The following LPAR1 variants were observed in gnomAD, a reference collection of about 807,000 sequenced individuals.
LPAR1 encodes lysophosphatidic acid receptor 1.
Under a neutral mutation model 23.8 loss-of-function variants are expected in LPAR1, and 5 were observed. The ratio of observed to expected loss-of-function variants is 0.21; its 90% CI spans 0.11 to 0.44. The LOEUF is 0.44. LPAR1 is among the 20% of genes least tolerant of loss of function. The pLI is 0.99. For synonymous variants in LPAR1, 160 were observed against 164.7 expected (o/e 0.97, Z 0.22); for missense variants, 311 against 482.8 (o/e 0.64, Z 3.33).
chr9:110,924,499 C>A (rs1042557977), intron 5 of LPAR1, among the ~76,000 whole-genome samples: 4 of 151,586 alleles, frequency 2.6e-5, no homozygotes, highest in African/African-American at 9.7e-5. Flanking sequence ...AAATGATTTT[C>A]TTTTTTTTCC....
chr9:111,003,033 C>A (rs1456036716), intron 2 of LPAR1, among the ~76,000 whole-genome samples: 1 of 152,070 alleles, frequency 6.6e-6, no homozygotes, highest in East Asian at 1.9e-4. Context: ...AATTTGTATA[C>A]CCAGATGAGA....
intron 5 of LPAR1, among the ~76,000 whole-genome samples, chr9:110,892,041 A>G (rs2084346243): frequency 6.6e-6 from 1 of 152,246 alleles, no homozygotes; most frequent in African/African-American, 2.4e-5. Context: ...CTCAATATTT[A>G]TCCAAGAGAA....
At chr9:110,974,808 C>T (rs367969535) in intron 2 of LPAR1, among the ~76,000 whole-genome samples, 1 of 152,140 alleles carries the variant, frequency 6.6e-6, no homozygotes, top group Non-Finnish European at 1.5e-5. Flanking sequence ...CAGGACCTTT[C>T]TTTTTTCAAG....
In LPAR1 at chr9:111,004,290, C is replaced by T. The variant is rs566672620; in HGVS notation, c.-181-30732G>A. On this transcript the variant is annotated intron_variant, in intron 2 of 5. Transcript: ENST00000683809. ...TCTTCTGTGGCTTCAGTTTTGTTCT[C>T]TCCTCATTTCCCAGTCCTCAGAATA... Among the ~76,000 whole-genome samples the T allele has an allele frequency of 2.4e-4, 37 of 152,226 alleles. No homozygotes were observed. In the South Asian group the frequency reaches 7.7e-3, roughly 32 times the overall value.
At chr9:110,959,617 C>G (rs912519977) in intron 4 of LPAR1, among the ~76,000 whole-genome samples, 46 of 150,148 alleles carry the variant, frequency 3.1e-4, no homozygotes, top group African/African-American at 1.1e-3. Context: ...GAACCTGTCT[C>G]AAAAAACAAA....
At chr9:110,977,677 C>A (rs149460021) in intron 2 of LPAR1, among the ~76,000 whole-genome samples, 1 of 151,966 alleles carries the variant, frequency 6.6e-6, no homozygotes, top group South Asian at 2.1e-4. Context: ...ACCTAGATGA[C>A]GAGTTGATAG....
At chr9:110,976,657 A>G (rs2096561536) in intron 2 of LPAR1, among the ~76,000 whole-genome samples, 1 of 152,164 alleles carries the variant, frequency 6.6e-6, no homozygotes, top group East Asian at 1.9e-4. Flanking sequence ...CCCAGCTGAC[A>G]TCAGGCTCTC....
intron 5 of LPAR1, among the ~76,000 whole-genome samples, chr9:110,915,394 AG>A (rs1399736913): frequency 2.2e-5 from 2 of 90,956 alleles, no homozygotes; most frequent in Non-Finnish European, 7.0e-5. Flanking sequence ...AAACTTAGCC[AG>A]GGGTGGTGGC....
chr9:110,878,840 T>A (rs192215397), intron 5 of LPAR1, among the ~76,000 whole-genome samples: 15 of 152,266 alleles, frequency 9.9e-5, no homozygotes, highest in Admixed American at 5.2e-4. Flanking sequence ...AGCTGGCATG[T>A]CAAAAGGCTC....
intron 5 of LPAR1, among the ~76,000 whole-genome samples, chr9:110,885,794 G>A (rs777425497): frequency 2.0e-5 from 3 of 152,202 alleles, no homozygotes; most frequent in Non-Finnish European, 4.4e-5. Flanking sequence ...CGGGCGTGGT[G>A]GATCATGCCT....
chr9:111,026,278 T>C (rs2097689921), intron 2 of LPAR1, among the ~76,000 whole-genome samples: 1 of 152,240 alleles, frequency 6.6e-6, no homozygotes, highest in South Asian at 2.1e-4. Flanking sequence ...TATTTTATTC[T>C]CTTTGTAGCA....
intron 4 of LPAR1, among the ~76,000 whole-genome samples, chr9:110,960,075 T>TA (rs1406563523): frequency 2.6e-5 from 4 of 152,322 alleles, no homozygotes; most frequent in African/African-American, 7.2e-5. Context: ...GAGTAAGTTC[T>TA]AACATTCGAT....
At chr9:110,912,599 G>A (rs1489391069) in intron 5 of LPAR1, among the ~76,000 whole-genome samples, 1 of 152,124 alleles carries the variant, frequency 6.6e-6, no homozygotes, top group Non-Finnish European at 1.5e-5. Context: ...TTTTATTAAT[G>A]GAGATAGTGT....
intron 5 of LPAR1, among the ~76,000 whole-genome samples, chr9:110,920,379 G>A (rs138939605): frequency 6.6e-6 from 1 of 152,292 alleles, no homozygotes; most frequent in East Asian, 1.9e-4. Context: ...TTCAAGTAAG[G>A]TCGATAAGCA....
At chr9:110,985,870 AAGT>A (rs536991687) in intron 2 of LPAR1, among the ~76,000 whole-genome samples, 6 of 152,120 alleles carry the variant, frequency 3.9e-5, no homozygotes, top group Non-Finnish European at 8.8e-5. Flanking sequence ...CTCTACTTAG[AAGT>A]AGTAAATCAG....
rs2096449521 is a variant in LPAR1, at chr9:110,972,319, GT to G, written c.-103-100del. On this transcript the variant is annotated intron_variant, in intron 3 of 5. Transcript: ENST00000683809. ...GGAGGTAAGAATCCCTAGACATCAAGTGTCAAATACTAGCTTAATGCAAACA... is the reference window on the plus strand; with the variant it reads ...GGAGGTAAGAATCCCTAGACATCAAGGTCAAATACTAGCTTAATGCAAACA... 12 of 571,420 alleles carry G rather than the reference GT, an allele frequency of 2.1e-5. No individual in the cohort carries two copies. The South Asian group carries it at 2.7e-4, about 13-fold the overall frequency. The allele number at this position is 571,420 out of a possible 1,614,324, so 35.4% of individuals were successfully genotyped here.
rs531623072 is a variant in LPAR1, at chr9:110,875,130, A to C, written c.*291T>G. 3.5e-5 allele frequency: 9 copies of C among 259,998 alleles called. No homozygotes were observed. The highest frequency in any genetic ancestry group is 2.3e-3 in the Middle Eastern group (2 of 888). The allele number at this position is 259,998 out of a possible 1,614,324, so 16.1% of individuals were successfully genotyped here. A position where few individuals can be genotyped will look rare whatever the true frequency, so the allele number is the denominator to read the frequency against. The stretch of plus-strand genomic sequence containing the variant: ...CACAAAATCTTTTAAAAGTCTAGTT[A>C]GTGTAGTCTAAATGGACACTCCAGA... On this transcript the variant is annotated 3_prime_UTR_variant, in exon 6 of 6. Coordinates refer to ENST00000683809, the MANE Select transcript of LPAR1 (RefSeq NM_001351411.2).
At chr9:110,998,149 C>G (rs1243104062) in intron 2 of LPAR1, among the ~76,000 whole-genome samples, 1 of 152,166 alleles carries the variant, frequency 6.6e-6, no homozygotes, top group African/African-American at 2.4e-5. Flanking sequence ...GAACCACTCA[C>G]TAAACTGTCC....
chr9:110,890,865 T>C (rs2083927637), intron 5 of LPAR1, among the ~76,000 whole-genome samples: 1 of 152,204 alleles, frequency 6.6e-6, no homozygotes, highest in Admixed American at 6.5e-5. Context: ...ATTTACTTTT[T>C]TAAAAGGAAG....
Sources: allele counts gnomAD v4.1 joint callset (sites outside exome capture counted in the v4.1 genomes callset), GRCh38; gene constraint gnomAD v4.1.1; transcripts MANE v1.5; gene names NCBI Gene and HGNC (gene_info 2026-07-23, HGNC 2026-07-21).